PIGB: variants seen among roughly 807,000 people sequenced by gnomAD.
The protein encoded by PIGB is GPI alpha-1,2-mannosyltransferase 3.
A neutral mutation model predicts 68.4 loss-of-function variants in PIGB; 58 were observed. The observed-to-expected ratio is 0.85, with a 90% confidence interval of 0.69 to 1.06. PIGB has a LOEUF of 1.06. Ranked by LOEUF, PIGB falls within the 50% of genes least tolerant of loss-of-function variation. The pLI is 0.00. For synonymous variants in PIGB, 219 were observed against 220.5 expected, an observed-to-expected ratio of 0.99 and a Z score of 0.06; for missense variants, 634 against 655.8, an observed-to-expected ratio of 0.97 and a Z score of 0.36.
At chr15:55,322,743 T>C (rs1258656821) in intron 3 of PIGB, among the ~76,000 whole-genome samples, 1 of 152,196 alleles carries the variant, frequency 6.6e-6, no homozygotes, top group Non-Finnish European at 1.5e-5. Context: ...GGGAAGATGA[T>C]GGGGAAGGAG....
chr15:55,353,695 T>G (rs1180772004), intron 10 of PIGB, among the ~76,000 whole-genome samples: 1 of 152,050 alleles, frequency 6.6e-6, no homozygotes, highest in African/African-American at 2.4e-5. Context: ...ACCTCCGTCT[T>G]CTGGGTTCAA....
At chr15:55,340,566 C>T (rs902001835) in intron 7 of PIGB, 46 bp from the exon 8 acceptor site, 2 of 1,267,232 alleles carry the variant, frequency 1.6e-6, no homozygotes, top group African/African-American at 3.0e-5. Flanking sequence ...AAGATTACTA[C>T]TTGGCACTAA....
chr15:55,346,483 T>A (rs1480095088), intron 9 of PIGB: 1 of 152,190 alleles, frequency 6.6e-6, no homozygotes, highest in East Asian at 1.9e-4. Flanking sequence ...TTCCAGAAAT[T>A]TTCTGTATAC....
chr15:55,339,316 C>G lies in PIGB; in HGVS notation c.844C>G (p.Gln282Glu), dbSNP rs1318599260. Residue 282 changes from glutamine (Q) to glutamate (E), a missense_variant and splice_region_variant, in exon 7 of 12, where the codon CAA (glutamine) becomes GAA (glutamate). By Grantham distance (29) the Gln-to-Glu change is conservative. Coordinates refer to ENST00000164305, the MANE Select transcript of PIGB (RefSeq NM_004855.5). ...GATGATTGATCGTATTTTTTTTGGC[C>G]AAGTAAGTAAAAGTATATTAAGCTA... ...SLMIDRIFFG[Q>E]WTLVQFNFLK... 8.4e-6 allele frequency: 13 copies of G among 1,546,874 alleles called. No homozygotes were observed. The East Asian group carries it at 3.1e-4, about 37-fold the overall frequency.
At chr15:55,326,122 G>A (rs1290450649) in intron 3 of PIGB, among the ~76,000 whole-genome samples, 4 of 151,856 alleles carry the variant, frequency 2.6e-5, no homozygotes, top group Admixed American at 2.0e-4. Context: ...GCTGGAATCT[G>A]GGAGGTGGAG....
At chr15:55,341,358 C>CTCAG (rs1271103917) in intron 8 of PIGB, among the ~76,000 whole-genome samples, 1 of 152,196 alleles carries the variant, frequency 6.6e-6, no homozygotes, top group Non-Finnish European at 1.5e-5. Context: ...AAGACCCTGT[C>CTCAG]TCAGTCAATC....
intron 3 of PIGB, among the ~76,000 whole-genome samples, chr15:55,322,871 A>G (rs911438587): frequency 5.9e-5 from 9 of 152,156 alleles, no homozygotes; most frequent in African/African-American, 1.9e-4. Flanking sequence ...AGGTATCCAT[A>G]AAGTCTGGAA....
chr15:55,351,264 T>C (rs1421142976), intron 10 of PIGB, among the ~76,000 whole-genome samples: 1 of 151,734 alleles, frequency 6.6e-6, no homozygotes, highest in Admixed American at 6.6e-5. Flanking sequence ...CCTGCCACCA[T>C]GCCCGGCTAA....
chr15:55,342,453 C>T (rs994019672), intron 9 of PIGB, among the ~76,000 whole-genome samples: 2 of 152,300 alleles, frequency 1.3e-5, no homozygotes, highest in East Asian at 1.9e-4. Context: ...TGCAGTGGCA[C>T]GATCTTGGCT....
chr15:55,335,645 A>T (rs1025611414), intron 6 of PIGB, among the ~76,000 whole-genome samples: 1 of 152,172 alleles, frequency 6.6e-6, no homozygotes, highest in Non-Finnish European at 1.5e-5. Context: ...TAAATAGGGT[A>T]GTTGGGAAAG....
chr15:55,333,471 C>T (rs913727155), intron 5 of PIGB, among the ~76,000 whole-genome samples: 1 of 152,144 alleles, frequency 6.6e-6, no homozygotes. Context: ...GGGGATTAGC[C>T]TGTAATCCCA....
At position 55,340,757 on chromosome 15, in the gene PIGB, G is replaced by C; in HGVS notation, c.992G>C (p.Cys331Ser). The C allele has an allele frequency of 6.2e-7, 1 of 1,611,244 alleles. No individual in the cohort carries two copies. Among genetic ancestry groups the C allele is most frequent in the Non-Finnish European group, 8.5e-7 (1 of 1,178,498 alleles). ...CACTTACCCTTCTTTATTCATGGCT[G>C]CTATCTAGCACCAAAGAGATACCGG... ...GTHLPFFIHG[C>S]YLAPKRYRIL... is the part of the protein sequence containing the mutation. The change falls in exon 8 of 12, where the codon TGC becomes TCC. Residue 331 changes from cysteine to serine, a missense_variant. Transcript: ENST00000164305.
At chr15:55,340,466 A>AG in intron 7 of PIGB, 146 bp from the exon 8 acceptor site, 1 of 506,366 alleles carries the variant, frequency 2.0e-6, no homozygotes. Flanking sequence ...AAAAAAAAAA[A>AG]AAAAAAAAAA....
At chr15:55,339,191 C>G in intron 6 of PIGB, 76 bp from the exon 7 acceptor site, 1 of 967,692 alleles carries the variant, frequency 1.0e-6, no homozygotes, top group Non-Finnish European at 1.6e-6. Flanking sequence ...ATGCAAGGCA[C>G]GTACAAAGCC....
chr15:55,351,335 CTGACCTCG>C (rs2055917766), intron 10 of PIGB, among the ~76,000 whole-genome samples: 1 of 151,798 alleles, frequency 6.6e-6, no homozygotes, highest in Admixed American at 6.6e-5. Flanking sequence ...TCTCGATCTC[CTGACCTCG>C]TGATCTGCCT....
At position 55,320,264 on chromosome 15, in the gene PIGB, C is replaced by G. The variant is rs2055132791; in HGVS notation, c.164-11C>G. The G allele has an allele frequency of 6.2e-7, 1 of 1,609,552 alleles. No homozygotes were observed. Among genetic ancestry groups the G allele is most frequent in the African/African-American group, 1.3e-5 (1 of 74,798 alleles). On this transcript the variant is annotated splice_polypyrimidine_tract_variant and intron_variant, in intron 1 of 11. Coordinates refer to ENST00000164305, the MANE Select transcript of PIGB (RefSeq NM_004855.5). ...TTGTGCCACTATTACCTGTTTTGTT[C>G]TGTTTTTCAGATCTTCTTGGAGAAA... is the stretch of plus-strand genomic sequence containing the variant.
intron 9 of PIGB, among the ~76,000 whole-genome samples, chr15:55,342,182 G>C (rs1316067598): frequency 4.6e-5 from 7 of 152,080 alleles, no homozygotes; most frequent in Non-Finnish European, 1.0e-4. Flanking sequence ...AGTTTTTGGT[G>C]GTGGTGTTTC....
At chr15:55,324,662 C>A (rs1444501920) in intron 3 of PIGB, 3 of 175,138 alleles carry the variant, frequency 1.7e-5, no homozygotes, top group Non-Finnish European at 3.4e-5. Context: ...TATGGTGGGT[C>A]CATTAACTTA....
In PIGB at chr15:55,319,370, C is replaced by T. The variant is rs773784615; in HGVS notation, c.120C>T (p.Thr40=). 4.5e-6 allele frequency: 7 copies of T among 1,556,344 alleles called. 1 individual carries two copies. In the South Asian group the frequency reaches 7.1e-5, roughly 16 times the overall value. The change falls in exon 1 of 12, where the codon ACC becomes ACT. Residue 40 remains threonine (T), a synonymous_variant. Transcript: ENST00000164305. ...TAAAGCTGCGAAAGAGAAAGTCTAC[C>T]TTGTACTTCAACACCCAGGAGAAGA... The part of the protein sequence containing the change: ...GKIKLRKRKS[T]LYFNTQEKSA...
Sources: gnomAD v4.1 joint callset for allele counts (sites outside exome capture counted in the v4.1 genomes callset) on GRCh38, gnomAD v4.1.1 for gene constraint, MANE v1.5 for transcripts, NCBI Gene and HGNC (gene_info 2026-07-23, HGNC 2026-07-21) for gene names.